Variants in TBC1D5 observed in about 807,000 individuals in gnomAD.
TBC1D5 encodes the protein TBC1 domain family member 5.
Under a neutral mutation model 100.3 loss-of-function variants are expected in TBC1D5, and 75 were observed. The ratio of observed to expected loss-of-function variants is 0.75; its 90% CI spans 0.62 to 0.91. TBC1D5 has a LOEUF of 0.91. Among genes scored for constraint, TBC1D5 ranks in the 40% least tolerant of loss-of-function variants. TBC1D5 has a pLI of 0.00. For missense variants in TBC1D5, 910 were observed against 942.4 expected (o/e 0.97, Z 0.45); for synonymous variants, 323 against 325.6 (o/e 0.99, Z 0.09).
intron 2 of TBC1D5, among the ~76,000 whole-genome samples, chr3:17,618,643 T>C (rs961096126): frequency 6.6e-6 from 1 of 152,192 alleles, no homozygotes; most frequent in Admixed American, 6.5e-5. Context: ...TGCACCCTCG[T>C]TGTTAGATCT....
chr3:17,726,411 G>T lies in TBC1D5; in HGVS notation c.-101+12932C>A, dbSNP rs1476260022. Among the ~76,000 whole-genome samples, 4 of 152,098 alleles carry T rather than the reference G, an allele frequency of 2.6e-5. No homozygotes were observed. The East Asian group carries it at 7.7e-4, about 29-fold the overall frequency. On this transcript the variant is annotated intron_variant, in intron 1 of 21. Transcript: ENST00000253692. Reference sequence around the variant, plus strand: ...TTTTAGTAATAGCCATTGCTGACTGGTATGAGATGGTATCTCATTGTGGGT... The same window carrying T: ...TTTTAGTAATAGCCATTGCTGACTGTTATGAGATGGTATCTCATTGTGGGT...
chr3:17,397,444 T>C (rs533382577), intron 8 of TBC1D5, among the ~76,000 whole-genome samples: 1 of 152,282 alleles, frequency 6.6e-6, no homozygotes, highest in East Asian at 1.9e-4. Context: ...TGACCACAGC[T>C]TACTGCAGTC....
chr3:17,358,965 A>G (rs2091468169), intron 13 of TBC1D5, among the ~76,000 whole-genome samples: 1 of 152,046 alleles, frequency 6.6e-6, no homozygotes, highest in Non-Finnish European at 1.5e-5. Flanking sequence ...AGAAATTTTT[A>G]GAAATAAAAT....
At chr3:17,473,044 A>G (rs571632029) in intron 3 of TBC1D5, among the ~76,000 whole-genome samples, 4 of 152,344 alleles carry the variant, frequency 2.6e-5, no homozygotes, top group African/African-American at 9.6e-5. Flanking sequence ...TACAAATTTT[A>G]TCCAAAAAAA....
intron 1 of TBC1D5, among the ~76,000 whole-genome samples, chr3:17,684,058 A>G (rs1033004933): frequency 3.9e-5 from 6 of 152,120 alleles, no homozygotes; most frequent in African/African-American, 1.2e-4. Context: ...AGATTATTCA[A>G]TACTGGAGAA....
intron 4 of TBC1D5, among the ~76,000 whole-genome samples, chr3:17,411,856 TA>T (rs1206884967): frequency 2.0e-5 from 3 of 152,152 alleles, no homozygotes; most frequent in Non-Finnish European, 4.4e-5. Context: ...TACAATCATT[TA>T]AATTTATTCA....
chr3:17,392,050 C>T (rs959897554), intron 8 of TBC1D5, among the ~76,000 whole-genome samples: 2 of 152,034 alleles, frequency 1.3e-5, no homozygotes, highest in African/African-American at 4.8e-5. Flanking sequence ...AACATTAACA[C>T]ACTGCTTCTG....
At chr3:17,684,796 C>T (rs968924168) in intron 1 of TBC1D5, among the ~76,000 whole-genome samples, 18 of 151,824 alleles carry the variant, frequency 1.2e-4, no homozygotes, top group Admixed American at 3.3e-4. Context: ...TTTATATAAA[C>T]AGCCTGATGT....
chr3:17,616,609 T>C (rs987704641), intron 2 of TBC1D5, among the ~76,000 whole-genome samples: 2 of 152,256 alleles, frequency 1.3e-5, no homozygotes, highest in Non-Finnish European at 2.9e-5. Context: ...TAGTTAGCTC[T>C]TCTTGTTGAA....
intron 19 of TBC1D5, among the ~76,000 whole-genome samples, chr3:17,183,887 T>G (rs539713227): frequency 6.6e-6 from 1 of 152,330 alleles, no homozygotes; most frequent in South Asian, 2.1e-4. Flanking sequence ...TCTCTTTGGT[T>G]TCTCCTCACA....
intron 15 of TBC1D5, among the ~76,000 whole-genome samples, chr3:17,274,577 C>T (rs1383693551): frequency 1.3e-5 from 2 of 152,102 alleles, no homozygotes; most frequent in Admixed American, 1.3e-4. Flanking sequence ...TGAGGGTTTA[C>T]CTCTTTCTTG....
At chr3:17,705,919 C>T (rs1314688745) in intron 1 of TBC1D5, 7 of 1,005,238 alleles carry the variant, frequency 7.0e-6, no homozygotes, top group South Asian at 1.7e-5. Context: ...CCCTCGGGCC[C>T]GCGGGGCCCG....
chr3:17,721,859 G>C (rs2075736164), intron 1 of TBC1D5, among the ~76,000 whole-genome samples: 1 of 151,758 alleles, frequency 6.6e-6, no homozygotes, highest in Non-Finnish European at 1.5e-5. Context: ...GCACATGCCT[G>C]TAATCCCAGC....
chr3:17,628,095 G>A (rs1416075118), intron 1 of TBC1D5, among the ~76,000 whole-genome samples: 1 of 152,130 alleles, frequency 6.6e-6, no homozygotes, highest in Non-Finnish European at 1.5e-5. Context: ...TCCGCCGGGT[G>A]TGGTGGCTCA....
intron 17 of TBC1D5, among the ~76,000 whole-genome samples, chr3:17,220,524 C>T (rs989984549): frequency 5.3e-5 from 8 of 152,182 alleles, no homozygotes; most frequent in African/African-American, 1.9e-4. Flanking sequence ...GAAATTAATC[C>T]TTTCTGTGTA....
chr3:17,437,150 T>G (rs1309996126), intron 3 of TBC1D5, among the ~76,000 whole-genome samples: 1 of 152,216 alleles, frequency 6.6e-6, no homozygotes, highest in African/African-American at 2.4e-5. Context: ...GCCCTTCTGC[T>G]TTCCATCATG....
intron 2 of TBC1D5, among the ~76,000 whole-genome samples, chr3:17,532,123 TCAAA>T (rs2096235052): frequency 1.3e-5 from 2 of 151,960 alleles, no homozygotes; most frequent in South Asian, 4.1e-4. Flanking sequence ...TACAATGAAC[TCAAA>T]CAAATTTACA....
chr3:17,251,405 G>C (rs1254158372), intron 16 of TBC1D5, among the ~76,000 whole-genome samples: 1 of 136,322 alleles, frequency 7.3e-6, no homozygotes, highest in African/African-American at 2.8e-5. Flanking sequence ...GATCCAGAGG[G>C]AATATATATA....
intron 2 of TBC1D5, among the ~76,000 whole-genome samples, chr3:17,520,332 G>C (rs774575299): frequency 6.6e-6 from 1 of 152,090 alleles, no homozygotes; most frequent in Non-Finnish European, 1.5e-5. Flanking sequence ...GCTAATTATA[G>C]TAAGAGCTGG....
Sources: allele counts gnomAD v4.1 joint callset (sites outside exome capture counted in the v4.1 genomes callset), GRCh38; gene constraint gnomAD v4.1.1; transcripts MANE v1.5; gene names NCBI Gene and HGNC (gene_info 2026-07-23, HGNC 2026-07-21).